Variants in FBXL18 observed in about 807,000 individuals in gnomAD.
FBXL18 encodes F-box/LRR-repeat protein 18.
In FBXL18, 36 loss-of-function variants were observed where a neutral mutation model predicts 46.0. That is an observed-to-expected ratio of 0.78 (90% confidence interval 0.60 to 1.03). The LOEUF is 1.03. Among genes scored for constraint, FBXL18 ranks in the 50% least tolerant of loss-of-function variants. The pLI is 0.00. For synonymous variants in FBXL18, 557 were observed against 465.3 expected (o/e 1.20, Z -2.54); for missense variants, 977 against 1,004.1 (o/e 0.97, Z 0.36).
At chr7:5,469,130 G>T (rs1783388990) in intron 4 of FBXL18, among the ~76,000 whole-genome samples, 1 of 152,180 alleles carries the variant, frequency 6.6e-6, no homozygotes, top group Non-Finnish European at 1.5e-5. Flanking sequence ...AATGAGTTAT[G>T]AGTGGACTCT....
At chr7:5,502,114 C>G (rs1314482847) in intron 2 of FBXL18, 83 bp from the exon 3 acceptor site, 1 of 942,250 alleles carries the variant, frequency 1.1e-6, no homozygotes, top group Non-Finnish European at 1.6e-6. Context: ...CGCACACTCC[C>G]CCTTGCAGCA....
chr7:5,469,008 G>T (rs1298592031), intron 4 of FBXL18, among the ~76,000 whole-genome samples: 5 of 151,878 alleles, frequency 3.3e-5, no homozygotes, highest in African/African-American at 9.7e-5. Context: ...AGAGTGTGTG[G>T]TGTGCGGGTG....
At chr7:5,483,006 C>T (rs1374942696) in intron 4 of FBXL18, among the ~76,000 whole-genome samples, 1 of 150,454 alleles carries the variant, frequency 6.6e-6, no homozygotes, top group Non-Finnish European at 1.5e-5. Flanking sequence ...CCACTGTACT[C>T]CAGCCTGGGC....
intron 4 of FBXL18, among the ~76,000 whole-genome samples, chr7:5,487,157 C>G (rs568914621): frequency 6.6e-6 from 1 of 152,178 alleles, no homozygotes; most frequent in African/African-American, 2.4e-5. Context: ...CTGGAAAGCC[C>G]AGGGAAGGCC....
At chr7:5,512,762 C>A (rs1399694966) in intron 1 of FBXL18, among the ~76,000 whole-genome samples, 1 of 152,084 alleles carries the variant, frequency 6.6e-6, no homozygotes, top group Non-Finnish European at 1.5e-5. Context: ...AGCCACACAC[C>A]GTTCCTTGTC....
downstream of FBXL18, among the ~76,000 whole-genome samples, chr7:5,471,428 C>T (rs1375287976): frequency 6.6e-6 from 1 of 152,208 alleles, no homozygotes; most frequent in South Asian, 2.1e-4. Context: ...AGGCGCCCGC[C>T]ACCACACCCA....
At chr7:5,498,652 C>G (rs1459599798) in intron 3 of FBXL18, among the ~76,000 whole-genome samples, 1 of 152,116 alleles carries the variant, frequency 6.6e-6, no homozygotes, top group East Asian at 1.9e-4. Flanking sequence ...TCACTGCAAC[C>G]TCTGCCTCCC....
chr7:5,487,356 G>A (rs952941823), intron 4 of FBXL18, among the ~76,000 whole-genome samples: 1 of 152,246 alleles, frequency 6.6e-6, no homozygotes, highest in South Asian at 2.1e-4. Flanking sequence ...GAAGAGAAAG[G>A]CTTTCAGCAG....
At chr7:5,505,266 A>C in intron 2 of FBXL18, 146 bp downstream of exon 2, 1 of 721,112 alleles carries the variant, frequency 1.4e-6, no homozygotes, top group Non-Finnish European at 2.3e-6. Flanking sequence ...TCTGTCCCTC[A>C]ATGCATCCTG....
chr7:5,490,487 T>C (rs1375786201), intron 4 of FBXL18, among the ~76,000 whole-genome samples: 2 of 152,190 alleles, frequency 1.3e-5, no homozygotes, highest in Non-Finnish European at 2.9e-5. Context: ...GCGGAGATGC[T>C]AGCTAGCTAA....
rs1225306081 is a variant in FBXL18, at chr7:5,481,849, G to C, written c.2083C>G (p.Pro695Ala). 16 of 1,613,760 alleles carry C rather than the reference G, an allele frequency of 9.9e-6. No homozygotes were observed. The highest frequency in any genetic ancestry group is 1.7e-5 in the Admixed American group (1 of 60,004). ...GTGATCTCATCCAGGTGCACCAGGG[G>C]GACGTCCCGGATGACGTCGGTCAGG... is the stretch of plus-strand genomic sequence containing the variant. ...EGLTDVIRDV[P>A]LVHLDEITLF... The change falls in exon 5 of 5, where the codon CCC becomes GCC. Residue 695 changes from proline to alanine, a missense_variant. Pro to Ala is a conservative substitution (Grantham distance 27, BLOSUM62 -1). Transcript: ENST00000382368.
chr7:5,463,708 ATTTATT>A (rs1783292174), intron 4 of FBXL18, among the ~76,000 whole-genome samples: 2 of 51,826 alleles, frequency 3.9e-5, no homozygotes, highest in African/African-American at 8.4e-5. Flanking sequence ...ATATATATTT[ATTTATT>A]TATTTATTTA....
At chr7:5,511,578 C>T (rs1302515332) in intron 1 of FBXL18, among the ~76,000 whole-genome samples, 1 of 151,256 alleles carries the variant, frequency 6.6e-6, no homozygotes, top group African/African-American at 2.4e-5. Flanking sequence ...GGCACTCCAG[C>T]CTGGGCAAAA....
chr7:5,509,569 T>G, intron 1 of FBXL18, among the ~76,000 whole-genome samples: 1 of 151,802 alleles, frequency 6.6e-6, no homozygotes, highest in East Asian at 1.9e-4. Flanking sequence ...GGTGGGCTAC[T>G]GTCCACAGCA....
chr7:5,510,086 G>A (rs900704625), intron 1 of FBXL18, among the ~76,000 whole-genome samples: 12 of 151,848 alleles, frequency 7.9e-5, no homozygotes, highest in Non-Finnish European at 1.2e-4. Context: ...CAGATCACTT[G>A]ACGTCAGGAG....
downstream of FBXL18, among the ~76,000 whole-genome samples, chr7:5,474,079 G>A (rs1047071753): frequency 6.6e-6 from 1 of 152,176 alleles, no homozygotes; most frequent in African/African-American, 2.4e-5. Context: ...TTACAGGCGT[G>A]AGCCATTGTG....
At chr7:5,500,209 C>A (rs1487278733) in intron 3 of FBXL18, among the ~76,000 whole-genome samples, 1 of 152,044 alleles carries the variant, frequency 6.6e-6, no homozygotes, top group Non-Finnish European at 1.5e-5. Context: ...CTGGCAGGGT[C>A]CTGAGACGAT....
intron 4 of FBXL18, among the ~76,000 whole-genome samples, chr7:5,488,965 C>G (rs1471078128): frequency 1.3e-5 from 2 of 152,230 alleles, no homozygotes; most frequent in African/African-American, 4.8e-5. Context: ...GGTGTCACAT[C>G]CAGCTCACAG....
rs1026449568 is a variant in FBXL18, at chr7:5,455,368, T to G, written c.2001-7525A>C. ...ACTTGAACATTCTCAGGCCACATAC[T>G]TGGGGAGCACCCTCAGGGAAGTACT... On this transcript the variant is annotated intron_variant and NMD_transcript_variant, in intron 4 of 6. Coordinates refer to the FBXL18 transcript ENST00000415009. The surrounding 1 kb of genome is among the most constrained non-coding windows in gnomAD (Gnocchi z 4.6). Among the ~76,000 whole-genome samples the G allele has an allele frequency of 6.6e-6, 1 of 151,824 alleles. No homozygotes were observed. The highest frequency in any genetic ancestry group is 6.6e-5 in the Admixed American group (1 of 15,244).
Sources: allele counts gnomAD v4.1 joint callset (sites outside exome capture counted in the v4.1 genomes callset), GRCh38; gene constraint gnomAD v4.1.1; non-coding constraint Gnocchi (gnomAD v3.1); transcripts MANE v1.5; gene names NCBI Gene and HGNC (gene_info 2026-07-23, HGNC 2026-07-21).